Variants in CASR observed in about 807,000 individuals in gnomAD.
CASR encodes the protein calcium sensing receptor, also known as extracellular calcium-sensing receptor.
A neutral mutation model predicts 69.1 loss-of-function variants in CASR; 23 were observed. That is an observed-to-expected ratio of 0.33 (90% CI 0.24 to 0.47). The LOEUF (loss-of-function observed/expected upper bound fraction) is 0.47. Ranked by LOEUF, CASR falls within the 20% of genes least tolerant of loss-of-function variation. CASR has a pLI of 1.00. For missense variants in CASR, 924 were observed against 1,356.1 expected (o/e 0.68, Z 5.00); for synonymous variants, 541 against 544.7 (o/e 0.99, Z 0.10).
intron 1 of CASR, among the ~76,000 whole-genome samples, chr3:122,189,045 G>C (rs924214559): frequency 6.6e-6 from 1 of 152,202 alleles, no homozygotes; most frequent in African/African-American, 2.4e-5. Context: ...GGATTCAGTT[G>C]CTCAAACAAC....
intron 1 of CASR, among the ~76,000 whole-genome samples, chr3:122,224,326 T>C (rs1476819874): frequency 6.6e-6 from 1 of 152,206 alleles, no homozygotes; most frequent in Non-Finnish European, 1.5e-5. Context: ...AGAGAACTGG[T>C]AAACAACTTT....
intron 1 of CASR, among the ~76,000 whole-genome samples, chr3:122,199,835 ATAAC>A (rs1254336486): frequency 3.6e-5 from 1 of 27,572 alleles, no homozygotes; most frequent in East Asian, 2.5e-4. Flanking sequence ...TACCGTGACT[ATAAC>A]TAACAACATT....
At chr3:122,218,456 C>T (rs1576829165) in intron 1 of CASR, among the ~76,000 whole-genome samples, 1 of 150,956 alleles carries the variant, frequency 6.6e-6, no homozygotes, top group East Asian at 1.9e-4. Flanking sequence ...ATCGCTTGAA[C>T]CAGGGAGGCA....
intron 5 of CASR, among the ~76,000 whole-genome samples, chr3:122,277,761 C>A (rs1237788243): frequency 6.6e-6 from 1 of 152,204 alleles, no homozygotes; most frequent in African/African-American, 2.4e-5. Flanking sequence ...GAATTGAATT[C>A]TCTAATGGCA....
intron 1 of CASR, among the ~76,000 whole-genome samples, chr3:122,232,643 G>A (rs975614825): frequency 1.3e-5 from 2 of 152,154 alleles, no homozygotes; most frequent in Non-Finnish European, 2.9e-5. Flanking sequence ...ATCGCCAGGT[G>A]GGATGCTAAC....
intron 4 of CASR, among the ~76,000 whole-genome samples, chr3:122,267,140 A>G (rs1252498557): frequency 1.3e-5 from 2 of 152,202 alleles, no homozygotes; most frequent in African/African-American, 4.8e-5. Context: ...TAGGAGTGAA[A>G]TGGTTTTCAT....
rs532578741 is a variant in CASR at position 122,206,905 on chromosome 3, C to T, written c.-243+23093C>T. ...TAATGATTCTTTGTAATTCTTCAGTCTCAATTGTTGTTTCCTTTTTTTGCT... is the reference window on the plus strand; with the variant it reads ...TAATGATTCTTTGTAATTCTTCAGTTTCAATTGTTGTTTCCTTTTTTTGCT... On this transcript the variant is annotated intron_variant, in intron 1 of 6. Transcript: ENST00000639785. Among the ~76,000 whole-genome samples the T allele has an allele frequency of 2.0e-4, 31 of 152,026 alleles. No individual in the cohort carries two copies. The South Asian group carries it at 6.4e-3, about 32-fold the overall frequency.
chr3:122,258,065 A>T (rs1379899630), intron 3 of CASR, among the ~76,000 whole-genome samples: 1 of 152,248 alleles, frequency 6.6e-6, no homozygotes, highest in Non-Finnish European at 1.5e-5. Flanking sequence ...CCAAAAAAAG[A>T]TAACAAATGT....
intron 1 of CASR, among the ~76,000 whole-genome samples, chr3:122,226,755 T>C (rs975075936): frequency 2.7e-5 from 4 of 150,924 alleles, no homozygotes; most frequent in African/African-American, 9.8e-5. Context: ...AGAGTGCCAA[T>C]TGGTGCATTC....
At chr3:122,223,055 G>A (rs1445579312) in intron 1 of CASR, among the ~76,000 whole-genome samples, 1 of 152,124 alleles carries the variant, frequency 6.6e-6, no homozygotes, top group Non-Finnish European at 1.5e-5. Context: ...GAATCTTTGG[G>A]ACACAACTAA....
At chr3:122,267,821 T>C (rs2074711559) in intron 4 of CASR, among the ~76,000 whole-genome samples, 1 of 152,254 alleles carries the variant, frequency 6.6e-6, no homozygotes, top group Non-Finnish European at 1.5e-5. Context: ...GGGGAAGTCC[T>C]GGCTACTCAT....
chr3:122,212,600 G>A (rs115677746), intron 1 of CASR, among the ~76,000 whole-genome samples: 3,214 of 151,218 alleles, frequency 0.021, 117 homozygotes, highest in African/African-American at 0.074. Flanking sequence ...AAATCAATGA[G>A]AATTATATCC....
intron 4 of CASR, among the ~76,000 whole-genome samples, chr3:122,264,459 A>G (rs1462116479): frequency 6.6e-6 from 1 of 152,216 alleles, no homozygotes; most frequent in Non-Finnish European, 1.5e-5. Context: ...GACTTAGAGT[A>G]AGGGGGGAGT....
chr3:122,265,806 A>G (rs1000212593), intron 4 of CASR, among the ~76,000 whole-genome samples: 3 of 152,144 alleles, frequency 2.0e-5, no homozygotes, highest in Non-Finnish European at 4.4e-5. Context: ...TGCACCTCAC[A>G]CCAACACTCA....
At chr3:122,220,520 T>C (rs2074159715) in intron 1 of CASR, among the ~76,000 whole-genome samples, 1 of 152,230 alleles carries the variant, frequency 6.6e-6, no homozygotes, top group South Asian at 2.1e-4. Flanking sequence ...ATGCATTAAA[T>C]AAATCATAGA....
At chr3:122,239,024 T>A (rs555789378) in intron 1 of CASR, among the ~76,000 whole-genome samples, 7 of 152,128 alleles carry the variant, frequency 4.6e-5, no homozygotes, top group Non-Finnish European at 1.0e-4. Flanking sequence ...TGGCAAAAGA[T>A]TCCTTCTGCT....
At chr3:122,189,354 G>T (rs2073818711) in intron 1 of CASR, among the ~76,000 whole-genome samples, 1 of 152,184 alleles carries the variant, frequency 6.6e-6, no homozygotes, top group South Asian at 2.1e-4. Context: ...CGTATGGTGG[G>T]TGCTTAACTA....
At chr3:122,256,039 T>A (rs1029370547) in intron 2 of CASR, among the ~76,000 whole-genome samples, 2 of 152,240 alleles carry the variant, frequency 1.3e-5, no homozygotes, top group Admixed American at 6.5e-5. Context: ...GTTAACTTGT[T>A]TGATTTTTAT....
intron 5 of CASR, among the ~76,000 whole-genome samples, chr3:122,280,192 G>A (rs985000734): frequency 1.7e-4 from 26 of 152,230 alleles, no homozygotes; most frequent in Middle Eastern, 3.4e-3. Context: ...AATAAACTAG[G>A]TGTTGAAGGA....
Sources: gnomAD v4.1 joint callset for allele counts (sites outside exome capture counted in the v4.1 genomes callset) on GRCh38, gnomAD v4.1.1 for gene constraint, MANE v1.5 for transcripts, NCBI Gene and HGNC (gene_info 2026-07-23, HGNC 2026-07-21) for gene names.